Variants in BIN2 observed in about 807,000 individuals in gnomAD.
BIN2 encodes bridging integrator 2, also known as breast cancer associated protein BRAP1.
Under a neutral mutation model 67.9 loss-of-function variants are expected in BIN2, and 43 were observed. The ratio of observed to expected loss-of-function variants is 0.63; its 90% CI spans 0.50 to 0.82. The LOEUF is 0.82. BIN2 is among the 40% of genes least tolerant of loss of function. BIN2 has a pLI of 0.00. For synonymous variants in BIN2, 244 were observed against 246.8 expected (o/e 0.99, Z 0.11); for missense variants, 581 against 671.6 (o/e 0.87, Z 1.49).
intron 2 of BIN2, among the ~76,000 whole-genome samples, chr12:51,307,759 A>AT (rs1945909140): frequency 6.6e-6 from 1 of 152,056 alleles, no homozygotes; most frequent in African/African-American, 2.4e-5. Context: ...AAAGTTCCTA[A>AT]TTTTTTCCCA....
intron 1 of BIN2, among the ~76,000 whole-genome samples, chr12:51,320,970 C>CACACACACACA (rs1565693414): frequency 1.3e-5 from 2 of 151,334 alleles, no homozygotes; most frequent in Non-Finnish European, 3.0e-5. Flanking sequence ...CACACACACA[C>CACACACACACA]TCTAAAGCCA....
chr12:51,315,263 G>C (rs963057966), intron 1 of BIN2, among the ~76,000 whole-genome samples: 17 of 151,834 alleles, frequency 1.1e-4, no homozygotes, highest in African/African-American at 3.6e-4. Flanking sequence ...TCCGCCTCCC[G>C]GGTTCACGCC....
chr12:51,288,684 A>G (rs1375049483), intron 10 of BIN2, among the ~76,000 whole-genome samples: 4 of 152,058 alleles, frequency 2.6e-5, no homozygotes, highest in African/African-American at 7.2e-5. Flanking sequence ...TCTTGTTGCC[A>G]TCTAGTCAGA....
At chr12:51,299,832 G>T in intron 5 of BIN2, 118 bp from the exon 6 acceptor site, 1 of 934,300 alleles carries the variant, frequency 1.1e-6, no homozygotes, top group Non-Finnish European at 1.7e-6. Context: ...TTTCACTTTC[G>T]TTGTTTTTTG....
intron 4 of BIN2, 169 bp from the exon 5 acceptor site, chr12:51,302,284 C>G: frequency 1.7e-6 from 1 of 584,710 alleles, no homozygotes; most frequent in South Asian, 2.0e-5. Context: ...AGCCCCTACC[C>G]CAAGGAACTG....
chr12:51,297,281 C>T (rs1945590111), intron 7 of BIN2, 117 bp from the exon 8 acceptor site: 8 of 986,444 alleles, frequency 8.1e-6, no homozygotes, highest in Non-Finnish European at 1.2e-5. Flanking sequence ...TAAATGAAAG[C>T]CATCCCGCTG....
chr12:51,288,303 G>A (rs909041386), intron 10 of BIN2, 115 bp from the exon 11 acceptor site: 1 of 769,024 alleles, frequency 1.3e-6, no homozygotes. Context: ...TCCCGAGGTA[G>A]CCTTGGTCAG....
At chr12:51,299,181 T>C (rs778152891) in intron 7 of BIN2, 22 bp downstream of exon 7, 20 of 1,583,484 alleles carry the variant, frequency 1.3e-5, no homozygotes, top group Non-Finnish European at 1.6e-5. Flanking sequence ...CAAAGGCACC[T>C]TTTCTGAATT....
rs537344648 is a variant in BIN2 at position 51,297,366 on chromosome 12, A to C, written c.603-202T>G. Reference sequence around the variant, plus strand: ...GGCGTATCATGAAGTCAGGAGATCAAGACCATCCTGGCTAACATGGTAAAA... The same window carrying C: ...GGCGTATCATGAAGTCAGGAGATCACGACCATCCTGGCTAACATGGTAAAA... On this transcript the variant is annotated intron_variant, in intron 7 of 12. Transcript: ENST00000615107. The C allele has an allele frequency of 1.0e-4, 45 of 432,752 alleles. 1 individual carries two copies. The South Asian group carries it at 1.3e-3, about 12-fold the overall frequency. 26.8% of individuals were successfully genotyped at this position (432,752 alleles called of 1,614,324 possible).
At chr12:51,310,869 T>C (rs1194937579) in intron 2 of BIN2, among the ~76,000 whole-genome samples, 1 of 150,770 alleles carries the variant, frequency 6.6e-6, no homozygotes, top group Non-Finnish European at 1.5e-5. Flanking sequence ...GTCAGTCCTC[T>C]TGCCTCAGCC....
chr12:51,286,026 G>A (rs4761994), intron 11 of BIN2, among the ~76,000 whole-genome samples: 125,027 of 152,120 alleles, frequency 0.82, 52,586 homozygotes, highest in East Asian at 0.94. Context: ...AATTAGCTCA[G>A]AGGTGATGTT....
chr12:51,324,055 C>T lies in BIN2; in HGVS notation c.48G>A (p.Gln16=), dbSNP rs371486750. Residue 16 remains glutamine, a synonymous_variant, in exon 1 of 13, where the codon CAG becomes CAA. Coordinates refer to ENST00000615107, the MANE Select transcript of BIN2 (RefSeq NM_016293.4). ...GGGCCCTGCTAAACTTCTTCTGCAC[C>T]TGCTTGGCGAAGAGGCCGGCCGCGC... ...AGGAAGLFAK[Q]VQKKFSRAQE... is the part of the protein sequence containing the mutation. 1.2e-5 allele frequency: 20 copies of T among 1,613,504 alleles called. No individual in the cohort carries two copies. In the African/African-American group the frequency reaches 2.5e-4, roughly 20 times the overall value.
intron 7 of BIN2, 115 bp downstream of exon 7, chr12:51,299,088 A>AAT: frequency 1.9e-6 from 1 of 533,534 alleles, no homozygotes; most frequent in Non-Finnish European, 3.2e-6. Context: ...AAAAAAAAAA[A>AAT]GGGGGCGGGG....
chr12:51,302,817 C>T (rs1256022283), intron 3 of BIN2, 37 bp from the exon 4 acceptor site: 2 of 1,528,174 alleles, frequency 1.3e-6, no homozygotes, highest in South Asian at 1.1e-5. Context: ...ATCATGTTTC[C>T]CCAACAGTAG....
chr12:51,290,377 C>A (rs1278254934), intron 10 of BIN2, among the ~76,000 whole-genome samples: 1 of 151,786 alleles, frequency 6.6e-6, no homozygotes, highest in Admixed American at 6.6e-5. Flanking sequence ...GATCTGCCTG[C>A]CTTGGCCTCC....
chr12:51,298,320 C>T (rs139732903), intron 7 of BIN2, among the ~76,000 whole-genome samples: 633 of 152,130 alleles, frequency 4.2e-3, no homozygotes, highest in Non-Finnish European at 6.4e-3. Context: ...TGCAGCGAGC[C>T]GAGATTGTGC....
rs1323621125 is a variant in BIN2 at position 51,281,478 on chromosome 12, A to C, written c.*21T>G. 4 of 1,612,872 alleles carry C rather than the reference A, an allele frequency of 2.5e-6. No homozygotes were observed. On this transcript the variant is annotated 3_prime_UTR_variant, in exon 13 of 13. Transcript: ENST00000615107. ...CTTCTCTGGCGAGGTTTGGGGCAGG[A>C]GGAGTCTTGGTAGTTTCTCTTCAGA...
chr12:51,281,923 TA>T (rs148575187), intron 12 of BIN2, among the ~76,000 whole-genome samples: 2 of 150,022 alleles, frequency 1.3e-5, no homozygotes, highest in Admixed American at 6.7e-5. Flanking sequence ...GCTAATTTAT[TA>T]AAAAAAAAAT....
chr12:51,303,007 G>A, intron 3 of BIN2, 80 bp downstream of exon 3: 1 of 1,471,790 alleles, frequency 6.8e-7, no homozygotes, highest in Non-Finnish European at 9.5e-7. Flanking sequence ...AAACCTGGGG[G>A]TATGGCTATT....
Sources: allele counts gnomAD v4.1 joint callset (sites outside exome capture counted in the v4.1 genomes callset), GRCh38; gene constraint gnomAD v4.1.1; transcripts MANE v1.5; gene names NCBI Gene and HGNC (gene_info 2026-07-23, HGNC 2026-07-21).